BAZ1A: variants seen among roughly 807,000 people sequenced by gnomAD.
BAZ1A encodes the protein bromodomain adjacent to zinc finger domain 1A.
In BAZ1A, 50 loss-of-function variants were observed where a neutral mutation model predicts 185.2. That is an observed-to-expected ratio of 0.27 (90% CI 0.22 to 0.34). The LOEUF is 0.34. Among genes scored for constraint, BAZ1A ranks in the 10% least tolerant of loss-of-function variants. BAZ1A has a pLI of 1.00. For missense variants in BAZ1A, 1,356 were observed against 1,839.9 expected, an observed-to-expected ratio of 0.74 and a Z score of 4.81; for synonymous variants, 571 against 615.6, an observed-to-expected ratio of 0.93 and a Z score of 1.07.
Position 34,874,617 on chromosome 14 carries a change from C to A in BAZ1A, c.-13G>T. ...GTAGCAGCGGCATCTCCCGTCCGCC[C>A]GCGGGCTCGCCTGGACCCTCGGCCG... On this transcript the variant is annotated 5_prime_UTR_variant, in exon 2 of 27. Coordinates refer to ENST00000360310, the MANE Select transcript of BAZ1A (RefSeq NM_013448.3). This position sits in a 1 kb window ranked among gnomAD's most constrained non-coding sequence, Gnocchi z 4.7. 6.2e-7 allele frequency: 1 copy of A among 1,601,434 alleles called. No individual in the cohort carries two copies. Among genetic ancestry groups the A allele is most frequent in the South Asian group, 1.1e-5 (1 of 90,542 alleles).
intron 10 of BAZ1A, 79 bp downstream of exon 10, chr14:34,795,591 A>G (rs1011806573): frequency 9.3e-6 from 9 of 964,660 alleles, no homozygotes; most frequent in African/African-American, 1.7e-5. Context: ...CTGCTATTAA[A>G]TAAGAATGAT....
In BAZ1A at chr14:34,792,718, AATT is replaced by A. The variant is rs1880932466; in HGVS notation, c.1510+54_1510+56del. The A allele has an allele frequency of 7.0e-6, 11 of 1,582,528 alleles. No individual in the cohort carries two copies. The South Asian group carries it at 1.3e-4, about 19-fold the overall frequency. The stretch of plus-strand genomic sequence containing the variant: ...ATTTAACTTAAAATTGGCCCTCAAA[AATT>A]AGTTTCGCTACAAAACTACTATGGT... On this transcript the variant is annotated intron_variant, in intron 12 of 26. Coordinates refer to ENST00000360310, the MANE Select transcript of BAZ1A (RefSeq NM_013448.3).
chr14:34,825,481 G>C (rs968830772), intron 4 of BAZ1A, among the ~76,000 whole-genome samples: 74 of 115,352 alleles, frequency 6.4e-4, no homozygotes, highest in Non-Finnish European at 1.2e-3. Context: ...AAAAAAGAGG[G>C]TGGGGGAGAT....
chr14:34,855,489 A>C (rs1383932588), intron 3 of BAZ1A, among the ~76,000 whole-genome samples: 1 of 152,178 alleles, frequency 6.6e-6, no homozygotes, highest in Non-Finnish European at 1.5e-5. Flanking sequence ...TTCTTTCGTC[A>C]GTTAAGCTCT....
intron 22 of BAZ1A, 33 bp from the exon 23 acceptor site, chr14:34,764,966 C>T: frequency 6.2e-7 from 1 of 1,613,320 alleles, no homozygotes; most frequent in Non-Finnish European, 8.5e-7. Flanking sequence ...CATTAATCAT[C>T]TATTGCTCAA....
At chr14:34,755,197 T>C (rs1264081204) in intron 25 of BAZ1A, among the ~76,000 whole-genome samples, 1 of 152,162 alleles carries the variant, frequency 6.6e-6, no homozygotes, top group Admixed American at 6.6e-5. Flanking sequence ...TTTGTAATAA[T>C]GAATAAAATG....
intron 26 of BAZ1A, among the ~76,000 whole-genome samples, 174 bp from the exon 27 acceptor site, chr14:34,753,878 G>A (rs1886124667): frequency 6.6e-6 from 1 of 152,112 alleles, no homozygotes. Context: ...CAGCACTTGG[G>A]AGGCTGAGGC....
chr14:34,758,321 C>T (rs1018659594), intron 25 of BAZ1A, among the ~76,000 whole-genome samples: 2 of 150,938 alleles, frequency 1.3e-5, no homozygotes, highest in Admixed American at 6.6e-5. Flanking sequence ...GTGGCTCACA[C>T]CTGGAATCCC....
At chr14:34,864,307 C>T (rs1566603920) in intron 2 of BAZ1A, among the ~76,000 whole-genome samples, 1 of 151,784 alleles carries the variant, frequency 6.6e-6, no homozygotes, top group Non-Finnish European at 1.5e-5. Context: ...CTATACCTGG[C>T]TAATTTTTGT....
intron 26 of BAZ1A, 59 bp downstream of exon 26, chr14:34,754,768 G>T (rs1268546589): frequency 8.5e-7 from 1 of 1,179,320 alleles, no homozygotes; most frequent in Non-Finnish European, 1.2e-6. Context: ...AAATATCAAA[G>T]ATGCTATAAC....
intron 21 of BAZ1A, among the ~76,000 whole-genome samples, chr14:34,766,480 A>G (rs2138560463): frequency 6.6e-6 from 1 of 152,108 alleles, no homozygotes; most frequent in Admixed American, 6.5e-5. Context: ...CATGAAACCT[A>G]GGGCCCATCA....
At chr14:34,863,931 G>C (rs979351155) in intron 2 of BAZ1A, among the ~76,000 whole-genome samples, 2 of 151,454 alleles carry the variant, frequency 1.3e-5, no homozygotes, top group South Asian at 4.2e-4. Flanking sequence ...CAAGCATTCT[G>C]TCTTGCCTCA....
At position 34,874,447 on chromosome 14, in the gene BAZ1A, G is replaced by C; in HGVS notation, c.113+45C>G. 6.6e-7 allele frequency: 1 copy of C among 1,509,170 alleles called. No individual in the cohort carries two copies. Among genetic ancestry groups the C allele is most frequent in the Non-Finnish European group, 9.2e-7 (1 of 1,087,038 alleles). 93.5% of individuals were successfully genotyped at this position (1,509,170 alleles called of 1,614,324 possible). ...GAGAGACAAAAGAGCGCTGCGGGGG[G>C]AGTCCCCACACCCCCCGCGGCCCCG... is the stretch of plus-strand genomic sequence containing the variant. On this transcript the variant is annotated intron_variant, in intron 2 of 26. Transcript: ENST00000360310. This position sits in a 1 kb window ranked among gnomAD's most constrained non-coding sequence, Gnocchi z 4.7.
At chr14:34,845,859 CAA>C (rs3062591) in intron 3 of BAZ1A, among the ~76,000 whole-genome samples, 19 of 115,212 alleles carry the variant, frequency 1.6e-4, no homozygotes, top group Non-Finnish European at 2.8e-4. Context: ...GACTCTGTCT[CAA>C]AAAAAAAAAA....
intron 23 of BAZ1A, among the ~76,000 whole-genome samples, chr14:34,762,486 T>A (rs1472561762): frequency 6.7e-6 from 1 of 149,502 alleles, no homozygotes; most frequent in African/African-American, 2.4e-5. Context: ...TTTTCTTTAT[T>A]TTTTTTTTTT....
chr14:34,873,781 T>C (rs1334126431), intron 2 of BAZ1A, among the ~76,000 whole-genome samples: 3 of 133,582 alleles, frequency 2.2e-5, no homozygotes, highest in East Asian at 2.1e-4. Flanking sequence ...CGGAGACGAG[T>C]TAGTCACCAA....
At chr14:34,809,469 A>G (rs79348607) in intron 5 of BAZ1A, among the ~76,000 whole-genome samples, 23,011 of 152,236 alleles carry the variant, frequency 0.15, 1,987 homozygotes, top group Admixed American at 0.27. Context: ...GACAGCATAC[A>G]TGTAACATTT....
Position 34,758,695 on chromosome 14 carries a change from A to T in BAZ1A, c.4386+9T>A, listed in dbSNP as rs199921118. The T allele has an allele frequency of 6.2e-7, 1 of 1,613,158 alleles. No individual in the cohort carries two copies. Among genetic ancestry groups the T allele is most frequent in the African/African-American group, 1.3e-5 (1 of 75,032 alleles). ...TACAGGAATACATTTTATCAAGTCT[A>T]GTAATTACCTGGATTTTAGAAACAA... On this transcript the variant is annotated intron_variant, in intron 25 of 26. Coordinates refer to ENST00000360310, the MANE Select transcript of BAZ1A (RefSeq NM_013448.3).
In BAZ1A at chr14:34,773,731, A is replaced by G. The variant is rs936040498; in HGVS notation, c.2998-5T>C. On this transcript the variant is annotated splice_polypyrimidine_tract_variant and splice_region_variant and intron_variant, in intron 19 of 26. Coordinates refer to ENST00000360310, the MANE Select transcript of BAZ1A (RefSeq NM_013448.3). ...CCAGATATGTCGATCTGTAACCTGT[A>G]ACAAAATTCAAACTTACTAACCATG... is the stretch of plus-strand genomic sequence containing the variant. 1 of 1,612,988 alleles carries G rather than the reference A, an allele frequency of 6.2e-7. No homozygotes were observed. Among genetic ancestry groups the G allele is most frequent in the Non-Finnish European group, 8.5e-7 (1 of 1,179,720 alleles).
Sources: allele counts gnomAD v4.1 joint callset (sites outside exome capture counted in the v4.1 genomes callset), GRCh38; gene constraint gnomAD v4.1.1; non-coding constraint Gnocchi (gnomAD v3.1); transcripts MANE v1.5; gene names NCBI Gene and HGNC (gene_info 2026-07-23, HGNC 2026-07-21).